The following ZNF707 variants were observed in gnomAD, a reference collection of about 807,000 sequenced individuals.
The protein encoded by ZNF707 is zinc finger protein 707.
Under a neutral mutation model 13.3 loss-of-function variants are expected in ZNF707, and 8 were observed. That is an observed-to-expected ratio of 0.60 (90% CI 0.35 to 1.09). ZNF707 has a LOEUF of 1.09. Among genes scored for constraint, ZNF707 ranks in the 50% least tolerant of loss-of-function variants. ZNF707 has a pLI of 0.02. For missense variants in ZNF707, 530 were observed against 512.6 expected (o/e 1.03, Z -0.33); for synonymous variants, 225 against 205.6 (o/e 1.09, Z -0.81).
At chr8:143,691,374 C>T (rs1390774940) in intron 4 of ZNF707, 175 bp downstream of exon 4, 2 of 1,230,620 alleles carry the variant, frequency 1.6e-6, no homozygotes, top group East Asian at 2.6e-5. Flanking sequence ...TTCTCTCGGG[C>T]TCCCTGGAGG....
intron 1 of ZNF707, among the ~76,000 whole-genome samples, chr8:143,685,676 C>T (rs1816199057): frequency 6.6e-6 from 1 of 152,024 alleles, no homozygotes; most frequent in Non-Finnish European, 1.5e-5. Context: ...CCCGTTTCTG[C>T]AAAAAACTTA....
At chr8:143,691,734 G>A in intron 5 of ZNF707, 21 bp downstream of exon 5, 1 of 1,552,610 alleles carries the variant, frequency 6.4e-7, no homozygotes, top group East Asian at 2.4e-5. Context: ...GGCTGTCTGG[G>A]CTCGGCGGGC....
Position 143,690,964 on chromosome 8 carries a change from ACAAT to A in ZNF707, c.16-106_16-103del, listed in dbSNP as rs1816750193. ...CAGTGAATGGATTTAGGGGACACAA[ACAAT>A]CAGTCCACCGCAGGGCCACTCCCAT... is the stretch of plus-strand genomic sequence containing the variant. On this transcript the variant is annotated intron_variant, in intron 3 of 5. Coordinates refer to ENST00000358656, the MANE Select transcript of ZNF707 (RefSeq NM_001100598.2). The A allele has an allele frequency of 2.2e-6, 3 of 1,381,244 alleles. No homozygotes were observed. The South Asian group carries it at 4.2e-5, about 20-fold the overall frequency. 85.6% of individuals were successfully genotyped at this position (1,381,244 alleles called of 1,614,324 possible). A position where few individuals can be genotyped will look rare whatever the true frequency, so the allele number is the denominator to read the frequency against.
intron 1 of ZNF707, chr8:143,688,995 C>T (rs527987997): frequency 3.3e-5 from 5 of 152,334 alleles, no homozygotes; most frequent in East Asian, 1.9e-4. Context: ...GTCTGCTCTT[C>T]CTCTGTTCAC....
In ZNF707 at chr8:143,689,242, T is replaced by G. The variant is rs1816576991; in HGVS notation, c.-112T>G. ...TTGCATGAGTTGCTCCTGACGGCCC[T>G]TTAGGATACTTCCATGTCTGTAGGG... On this transcript the variant is annotated 5_prime_UTR_variant, in exon 2 of 6. Coordinates refer to ENST00000358656, the MANE Select transcript of ZNF707 (RefSeq NM_001100598.2). 6.6e-6 allele frequency: 1 copy of G among 152,260 alleles called. No homozygotes were observed. Among genetic ancestry groups the G allele is most frequent in the Non-Finnish European group, 1.5e-5 (1 of 68,066 alleles). 9.4% of individuals were successfully genotyped at this position (152,260 alleles called of 1,614,324 possible).
chr8:143,691,658 G>GAACA lies in ZNF707; in HGVS notation c.201_202insAACA (p.Val68AsnfsTer3). 1.2e-6 allele frequency: 2 copies of GAACA among 1,609,028 alleles called. No individual in the cohort carries two copies. The highest frequency in any genetic ancestry group is 1.7e-6 in the Non-Finnish European group (2 of 1,178,126). ...GCCTGGAACAGTGGGAGGAGCCGTG[G>GAACA]GTTGAAGACCGGGAGAGACCTGAGT... On this transcript the variant is annotated frameshift_variant, in exon 5 of 6. Transcript: ENST00000358656. LOFTEE classifies it high-confidence loss of function.
At chr8:143,691,495 G>A (rs782257098) in intron 4 of ZNF707, 105 bp from the exon 5 acceptor site, 23 of 1,303,992 alleles carry the variant, frequency 1.8e-5, no homozygotes, top group Non-Finnish European at 2.4e-5. Flanking sequence ...AGGGCCTCCC[G>A]AGGGCTGGCC....
At position 143,694,036 on chromosome 8, in the gene ZNF707, G is replaced by A. The variant is rs146191112; in HGVS notation, c.622G>A (p.Glu208Lys). Residue 208 changes from glutamate (E) to lysine (K), a missense_variant, in exon 6 of 6, where the codon GAG becomes AAG. By Grantham distance (56) the Glu-to-Lys change is moderately conservative. Coordinates refer to ENST00000358656, the MANE Select transcript of ZNF707 (RefSeq NM_001100598.2). The surrounding 1 kb of genome is among the most constrained non-coding windows in gnomAD (Gnocchi z 4.4). The part of the protein sequence containing the change: ...HTGTKAFECP[E>K]CGQTFRWASN... Reference sequence around the variant, plus strand: ...GGGAACCAAGGCCTTCGAGTGCCCCGAGTGCGGCCAGACCTTCCGGTGGGC... The same window carrying A: ...GGGAACCAAGGCCTTCGAGTGCCCCAAGTGCGGCCAGACCTTCCGGTGGGC... 3.9e-4 allele frequency: 620 copies of A among 1,606,604 alleles called. 3 individuals are homozygous for A. The African/African-American group carries it at 7.6e-3, about 20-fold the overall frequency.
chr8:143,694,255 G>T lies in ZNF707; in HGVS notation c.841G>T (p.Val281Leu). The T allele has an allele frequency of 1.3e-6, 2 of 1,592,272 alleles. No individual in the cohort carries two copies. Among genetic ancestry groups the T allele is most frequent in the South Asian group, 2.3e-5 (2 of 87,732 alleles). The change falls in exon 6 of 6, where the codon GTG becomes TTG. Residue 281 changes from valine to leucine, a missense_variant. Transcript: ENST00000358656. The surrounding 1 kb of genome is among the most constrained non-coding windows in gnomAD (Gnocchi z 4.4). Reference sequence around the variant, plus strand: ...GTCCAACCTTCTCAGACACCAGCTGGTGCACACCGGGGAGCGGCCGTTCTA... The same window carrying T: ...GTCCAACCTTCTCAGACACCAGCTGTTGCACACCGGGGAGCGGCCGTTCTA... ...QKSNLLRHQL[V>L]HTGERPFYCA...
At position 143,694,328 on chromosome 8, in the gene ZNF707, A is replaced by G. The variant is rs550585749; in HGVS notation, c.914A>G (p.His305Arg). 1 of 1,603,798 alleles carries G rather than the reference A, an allele frequency of 6.2e-7. No individual in the cohort carries two copies. Among genetic ancestry groups the G allele is most frequent in the South Asian group, 1.1e-5 (1 of 90,620 alleles). ...KAFRTKENLS[H>R]HQRVHSGEKP... ...TTCCGGACCAAGGAGAACCTCAGCCACCACCAGAGGGTCCACAGCGGGGAG... is the reference window on the plus strand; with the variant it reads ...TTCCGGACCAAGGAGAACCTCAGCCGCCACCAGAGGGTCCACAGCGGGGAG... The change falls in exon 6 of 6, where the codon CAC (histidine) becomes CGC (arginine). Residue 305 changes from histidine (H) to arginine (R), a missense_variant. His to Arg is a conservative substitution (Grantham distance 29). Transcript: ENST00000358656. The surrounding 1 kb of genome is among the most constrained non-coding windows in gnomAD (Gnocchi z 4.4).
rs10093252 is a variant in ZNF707 at position 143,693,320 on chromosome 8, G to T, written c.257-351G>T. Among the ~76,000 whole-genome samples, 1 of 149,522 alleles carries T rather than the reference G, an allele frequency of 6.7e-6. No homozygotes were observed. Among genetic ancestry groups the T allele is most frequent in the Admixed American group, 6.6e-5 (1 of 15,128 alleles). On this transcript the variant is annotated intron_variant, in intron 5 of 5. Transcript: ENST00000358656. This position sits in a 1 kb window ranked among gnomAD's most constrained non-coding sequence, Gnocchi z 4.1. ...TTTTGAGACGGAGTCTCGCTCTGTC[G>T]CCCAGGCTGGACTGCGGACTGCAGT... is the stretch of plus-strand genomic sequence containing the variant.
Position 143,691,721 on chromosome 8 carries a change from C to T in ZNF707, c.256+8C>T. On this transcript the variant is annotated splice_region_variant and intron_variant, in intron 5 of 5. Coordinates refer to ENST00000358656, the MANE Select transcript of ZNF707 (RefSeq NM_001100598.2). Reference sequence around the variant, plus strand: ...AGAGGGGACCCCGGCCAGGTGAGTGCTGGGCTGTCTGGGCTCGGCGGGCCC... The same window carrying T: ...AGAGGGGACCCCGGCCAGGTGAGTGTTGGGCTGTCTGGGCTCGGCGGGCCC... The T allele has an allele frequency of 2.6e-6, 4 of 1,566,702 alleles. No homozygotes were observed. Among genetic ancestry groups the T allele is most frequent in the Non-Finnish European group, 3.5e-6 (4 of 1,155,172 alleles).
intron 1 of ZNF707, among the ~76,000 whole-genome samples, chr8:143,685,815 C>G (rs1226669583): frequency 6.6e-6 from 1 of 152,146 alleles, no homozygotes; most frequent in East Asian, 1.9e-4. Flanking sequence ...TGCATTCCAG[C>G]CTGGGTGACA....
intron 3 of ZNF707, 92 bp downstream of exon 3, chr8:143,690,215 G>A: frequency 6.6e-7 from 1 of 1,506,206 alleles, no homozygotes; most frequent in Non-Finnish European, 9.1e-7. Context: ...TGTGGCAGTG[G>A]CTTCCCAGGC....
chr8:143,689,289 C>G lies in ZNF707; in HGVS notation c.-65C>G, dbSNP rs1201210491. 1 of 152,418 alleles carries G rather than the reference C, an allele frequency of 6.6e-6. No homozygotes were observed. The highest frequency in any genetic ancestry group is 1.5e-5 in the Non-Finnish European group (1 of 68,110). The allele number at this position is 152,418 out of a possible 1,614,324, so 9.4% of individuals were successfully genotyped here. Reference sequence around the variant, plus strand: ...AGGGTCTAGAGTGACATCTCCTCCCCTCCCCTGACGAGGTAACCAGGCATG... The same window carrying G: ...AGGGTCTAGAGTGACATCTCCTCCCGTCCCCTGACGAGGTAACCAGGCATG... On this transcript the variant is annotated 5_prime_UTR_variant, in exon 2 of 6. Transcript: ENST00000358656.
intron 1 of ZNF707, among the ~76,000 whole-genome samples, chr8:143,685,494 C>G (rs1816173079): frequency 6.6e-6 from 1 of 150,444 alleles, no homozygotes; most frequent in Non-Finnish European, 1.5e-5. Context: ...CCACTGCACT[C>G]CAGCCTGGGC....
chr8:143,691,574 C>T (rs782274356), intron 4 of ZNF707, 26 bp from the exon 5 acceptor site: 47 of 1,576,842 alleles, frequency 3.0e-5, no homozygotes, highest in Non-Finnish European at 4.0e-5. Flanking sequence ...ACAAGTAAAA[C>T]AGAAACTTTT....
At chr8:143,690,342 C>T (rs782400218) in intron 3 of ZNF707, 100 of 569,600 alleles carry the variant, frequency 1.8e-4, no homozygotes, top group Non-Finnish European at 2.3e-4. Context: ...GAGGCTGAGG[C>T]AGGTGGATCT....
At chr8:143,686,854 C>G (rs1181587071) in intron 1 of ZNF707, 1 of 145,396 alleles carries the variant, frequency 6.9e-6, no homozygotes, top group African/African-American at 2.5e-5. Flanking sequence ...ATTTTTAATT[C>G]TGATAAATCC....
Sources: allele counts gnomAD v4.1 joint callset (sites outside exome capture counted in the v4.1 genomes callset), GRCh38; gene constraint gnomAD v4.1.1; non-coding constraint Gnocchi (gnomAD v3.1); transcripts MANE v1.5; gene names NCBI Gene and HGNC (gene_info 2026-07-23, HGNC 2026-07-21).